ZNF831: variants seen among roughly 807,000 people sequenced by gnomAD.
ZNF831 encodes the protein chromosome 20 open reading frame 174.
In ZNF831, 59 loss-of-function variants were observed where a neutral mutation model predicts 95.8. The observed-to-expected ratio is 0.62, with a 90% CI of 0.50 to 0.77. The LOEUF (loss-of-function observed/expected upper bound fraction) is 0.77, where lower values mean the gene tolerates loss of function less well. Ranked by LOEUF, ZNF831 falls within the 30% of genes least tolerant of loss-of-function variation. ZNF831 has a pLI of 0.00. For synonymous variants in ZNF831, 961 were observed against 925.5 expected (o/e 1.04, Z -0.70); for missense variants, 2,205 against 2,164.0 (o/e 1.02, Z -0.38).
intron 2 of ZNF831, among the ~76,000 whole-genome samples, chr20:59,155,416 T>A (rs1193046221): frequency 1.3e-5 from 2 of 152,214 alleles, no homozygotes; most frequent in Admixed American, 6.5e-5. Context: ...CTGATGTGAA[T>A]GGGAGCAGCT....
intron 1 of ZNF831, among the ~76,000 whole-genome samples, chr20:59,184,401 C>A (rs1200593283): frequency 4.0e-5 from 6 of 148,836 alleles, no homozygotes; most frequent in African/African-American, 1.6e-4. Context: ...TCCTCTTCCT[C>A]CCTCCCCCCT....
At chr20:59,204,600 C>G (rs1262278391) in intron 3 of ZNF831, among the ~76,000 whole-genome samples, 1 of 152,166 alleles carries the variant, frequency 6.6e-6, no homozygotes, top group Non-Finnish European at 1.5e-5. Context: ...TAGTTTCGCC[C>G]CAGAAAGGAA....
At chr20:59,227,530 G>C (rs189845943) in intron 4 of ZNF831, among the ~76,000 whole-genome samples, 1 of 152,274 alleles carries the variant, frequency 6.6e-6, no homozygotes, top group African/African-American at 2.4e-5. Context: ...AAAAGACCTA[G>C]TATCTAATTG....
At chr20:59,243,299 T>C (rs1987429285) in intron 4 of ZNF831, among the ~76,000 whole-genome samples, 1 of 152,122 alleles carries the variant, frequency 6.6e-6, no homozygotes, top group Non-Finnish European at 1.5e-5. Context: ...ATTGAAAAAA[T>C]AGAAAAGCAA....
chr20:59,141,525 C>T (rs1979679756), intron 1 of ZNF831, among the ~76,000 whole-genome samples: 1 of 152,190 alleles, frequency 6.6e-6, no homozygotes, highest in Non-Finnish European at 1.5e-5. Context: ...ATCAGTCAAG[C>T]ATATTTGTGT....
chr20:59,252,273 T>C (rs773614524), intron 4 of ZNF831, among the ~76,000 whole-genome samples: 9 of 152,182 alleles, frequency 5.9e-5, no homozygotes, highest in Non-Finnish European at 1.2e-4. Context: ...TAAAAGTGGG[T>C]CTAGTGCTTC....
At chr20:59,136,547 C>T (rs1568721963) in intron 1 of ZNF831, among the ~76,000 whole-genome samples, 1 of 152,158 alleles carries the variant, frequency 6.6e-6, no homozygotes, top group Admixed American at 6.5e-5. Flanking sequence ...TGTTGCTGCA[C>T]CTGCATGTTC....
intron 4 of ZNF831, among the ~76,000 whole-genome samples, chr20:59,230,195 A>G (rs1986648133): frequency 6.6e-6 from 1 of 152,242 alleles, no homozygotes; most frequent in African/African-American, 2.4e-5. Context: ...AGACCAGATA[A>G]TTAAATTTTT....
intron 4 of ZNF831, among the ~76,000 whole-genome samples, chr20:59,225,713 G>C (rs1986379947): frequency 6.6e-6 from 1 of 152,188 alleles, no homozygotes; most frequent in Non-Finnish European, 1.5e-5. Context: ...TTAGGAGGGT[G>C]GTGGGGGCCA....
intron 1 of ZNF831, among the ~76,000 whole-genome samples, chr20:59,190,261 G>T (rs565945037): frequency 6.6e-6 from 1 of 152,192 alleles, no homozygotes; most frequent in South Asian, 2.1e-4. Context: ...GATAAGCAGC[G>T]CTCAGTGTTT....
intron 1 of ZNF831, among the ~76,000 whole-genome samples, chr20:59,185,595 G>C (rs1316426398): frequency 1.3e-5 from 2 of 152,000 alleles, no homozygotes; most frequent in African/African-American, 4.8e-5. Context: ...GTCACTTCAG[G>C]GCCTTTCTGG....
chr20:59,214,106 A>T (rs1985522557), intron 4 of ZNF831, among the ~76,000 whole-genome samples: 1 of 152,224 alleles, frequency 6.6e-6, no homozygotes, highest in Non-Finnish European at 1.5e-5. Context: ...GACTGCTGAG[A>T]TGAAAGAAGG....
chr20:59,188,376 C>G (rs754138520), intron 1 of ZNF831, among the ~76,000 whole-genome samples: 9 of 152,140 alleles, frequency 5.9e-5, no homozygotes, highest in Non-Finnish European at 1.2e-4. Context: ...AGTCCTATCT[C>G]ATTGTGGTTT....
At chr20:59,243,483 CAGAG>C (rs1293508022) in intron 4 of ZNF831, among the ~76,000 whole-genome samples, 2 of 152,168 alleles carry the variant, frequency 1.3e-5, no homozygotes, top group Non-Finnish European at 1.5e-5. Flanking sequence ...CATAAGTAGA[CAGAG>C]GGAGGTGGGA....
rs1221154723 is a variant in ZNF831 at position 59,254,183 on chromosome 20, G to A, written c.4474G>A (p.Ala1492Thr). 6.2e-7 allele frequency: 1 copy of A among 1,614,124 alleles called. No individual in the cohort carries two copies. Among genetic ancestry groups the A allele is most frequent in the South Asian group, 1.1e-5 (1 of 91,078 alleles). The change falls in exon 6 of 6, where the codon GCC becomes ACC. Residue 1492 changes from alanine to threonine, a missense_variant. Physicochemically the swap from Ala to Thr is moderately conservative, Grantham distance 58 (BLOSUM62 0). Coordinates refer to ENST00000371030, the MANE Select transcript of ZNF831 (RefSeq NM_178457.3). This position sits in a 1 kb window ranked among gnomAD's most constrained non-coding sequence, Gnocchi z 4.5. ...CCATGACATTGCTACCTCTGTGGCT[G>A]CCGTTTGTATTTCTCTGCCAGTGAG... ...PHHDIATSVA[A>T]VCISLPVRTD... is the part of the protein sequence containing the mutation.
rs761965757 is a variant in ZNF831, at chr20:59,193,890, C to G, written c.2871C>G (p.Pro957=). 5 of 1,607,842 alleles carry G rather than the reference C, an allele frequency of 3.1e-6. No individual in the cohort carries two copies. Among genetic ancestry groups the G allele is most frequent in the African/African-American group, 1.3e-5 (1 of 74,744 alleles). Residue 957 remains proline, a synonymous_variant, in exon 2 of 6, where the codon CCC becomes CCG. Transcript: ENST00000371030. ...AGACCCCCTTACCACTGCCCATTCC[C>G]TGGGGACCAAGGCACAGCCAGGACT... is the stretch of plus-strand genomic sequence containing the variant. ...QAETPLPLPI[P]WGPRHSQDSL... is the part of the protein sequence containing the mutation.
intron 4 of ZNF831, among the ~76,000 whole-genome samples, chr20:59,230,501 A>C (rs1431704648): frequency 2.0e-5 from 3 of 152,268 alleles, no homozygotes; most frequent in Non-Finnish European, 2.9e-5. Context: ...TAAATAAATA[A>C]ATAAATAGAA....
intron 1 of ZNF831, among the ~76,000 whole-genome samples, chr20:59,186,788 T>C (rs996339709): frequency 6.6e-6 from 1 of 152,194 alleles, no homozygotes; most frequent in South Asian, 2.1e-4. Context: ...CAGATTGTTT[T>C]GAAGCCAGGG....
At chr20:59,243,131 T>G (rs1987421543) in intron 4 of ZNF831, among the ~76,000 whole-genome samples, 1 of 152,240 alleles carries the variant, frequency 6.6e-6, no homozygotes, top group Non-Finnish European at 1.5e-5. Context: ...TTTCCCGTTG[T>G]CTTATTTACT....
Sources: allele counts gnomAD v4.1 joint callset (sites outside exome capture counted in the v4.1 genomes callset), GRCh38; gene constraint gnomAD v4.1.1; non-coding constraint Gnocchi (gnomAD v3.1); transcripts MANE v1.5; gene names NCBI Gene and HGNC (gene_info 2026-07-23, HGNC 2026-07-21).